MAPRE1: variants seen among roughly 807,000 people sequenced by gnomAD.
The protein encoded by MAPRE1 is microtubule-associated protein RP/EB family member 1.
In MAPRE1, 5 loss-of-function variants were observed where a neutral mutation model predicts 32.1. The ratio of observed to expected loss-of-function variants is 0.16; its 90% CI spans 0.08 to 0.33. MAPRE1 has a LOEUF of 0.33. Ranked by LOEUF, MAPRE1 falls within the 10% of genes least tolerant of loss-of-function variation. The pLI, the probability that MAPRE1 is intolerant of heterozygous loss-of-function variation, is 1.00. For missense variants in MAPRE1, 209 were observed against 327.2 expected, an observed-to-expected ratio of 0.64 and a Z score of 2.79; for synonymous variants, 122 against 118.9, an observed-to-expected ratio of 1.03 and a Z score of -0.17.
At position 32,849,314 on chromosome 20, in the gene MAPRE1, T is replaced by C. The variant is rs1983587083; in HGVS notation, c.*586T>C. Reference sequence around the variant, plus strand: ...TAGGCTTTGGTCTAAAAGGAACATTTAAAAAGTTGCCCTGTAAAGTTATTT... The same window carrying C: ...TAGGCTTTGGTCTAAAAGGAACATTCAAAAAGTTGCCCTGTAAAGTTATTT... On this transcript the variant is annotated 3_prime_UTR_variant, in exon 7 of 7. Coordinates refer to ENST00000375571, the MANE Select transcript of MAPRE1 (RefSeq NM_012325.3). 2 of 152,190 alleles carry C rather than the reference T, an allele frequency of 1.3e-5. No individual in the cohort carries two copies. The highest frequency in any genetic ancestry group is 4.1e-4 in the South Asian group (2 of 4,830). The allele number at this position is 152,190 out of a possible 1,614,324, so 9.4% of individuals were successfully genotyped here.
chr20:32,842,285 C>G (rs533608238), intron 5 of MAPRE1, among the ~76,000 whole-genome samples: 44 of 152,252 alleles, frequency 2.9e-4, no homozygotes, highest in Middle Eastern at 3.4e-3. Context: ...CGAGGTTTCA[C>G]CGTGTTAGCC....
Position 32,849,526 on chromosome 20 carries a change from A to T in MAPRE1, c.*798A>T, listed in dbSNP as rs1983591153. On this transcript the variant is annotated 3_prime_UTR_variant, in exon 7 of 7. Transcript: ENST00000375571. ...TTTTTTGGGGAAGTGAGGTGTGCCC[A>T]GTTTTTTAATCTAACAACTACTTTT... 6.6e-6 allele frequency: 1 copy of T among 152,416 alleles called. No homozygotes were observed. Among genetic ancestry groups the T allele is most frequent in the African/African-American group, 2.4e-5 (1 of 41,446 alleles). The allele number at this position is 152,416 out of a possible 1,614,324, so 9.4% of individuals were successfully genotyped here. A position where few individuals can be genotyped will look rare whatever the true frequency, so the allele number is the denominator to read the frequency against.
intron 6 of MAPRE1, 105 bp downstream of exon 6, chr20:32,846,875 T>A: frequency 1.6e-6 from 2 of 1,279,328 alleles, no homozygotes; most frequent in Non-Finnish European, 2.2e-6. Flanking sequence ...ATCAAAAGAC[T>A]TCATCTTTAA....
chr20:32,825,459 C>T (rs1188832154), intron 1 of MAPRE1, among the ~76,000 whole-genome samples: 1 of 152,114 alleles, frequency 6.6e-6, no homozygotes, highest in Non-Finnish European at 1.5e-5. Flanking sequence ...ATCTTAGTGT[C>T]TCTCGTTTGG....
intron 1 of MAPRE1, among the ~76,000 whole-genome samples, chr20:32,823,066 A>G (rs1282304444): frequency 6.6e-6 from 1 of 152,188 alleles, no homozygotes; most frequent in African/African-American, 2.4e-5. Flanking sequence ...ACCTGAAAAT[A>G]AGTAGTGAGT....
In MAPRE1 at chr20:32,824,300, C is replaced by T. The variant is rs533531695; in HGVS notation, c.-3-1625C>T. 3.9e-5 allele frequency among the ~76,000 whole-genome samples: 6 copies of T among 152,336 alleles called. No homozygotes were observed. The South Asian group carries it at 8.3e-4, about 21-fold the overall frequency. On this transcript the variant is annotated intron_variant, in intron 1 of 6. Coordinates refer to ENST00000375571, the MANE Select transcript of MAPRE1 (RefSeq NM_012325.3). ...CTACACTGGTGCTCATAGACAATAACGCCCACATTTACTAGCATTTGAAAA... is the reference window on the plus strand; with the variant it reads ...CTACACTGGTGCTCATAGACAATAATGCCCACATTTACTAGCATTTGAAAA...
In MAPRE1 at chr20:32,832,131, C is replaced by T. The variant is rs577980557; in HGVS notation, c.122-1586C>T. On this transcript the variant is annotated intron_variant, in intron 2 of 6. Transcript: ENST00000375571. ...TTGACTTTCCAAAAATAACGGTAACCGAACATGCTGGAACCAGCAGAGAAC... is the reference window on the plus strand; with the variant it reads ...TTGACTTTCCAAAAATAACGGTAACTGAACATGCTGGAACCAGCAGAGAAC... Among the ~76,000 whole-genome samples, 26 of 152,212 alleles carry T rather than the reference C, an allele frequency of 1.7e-4. 1 individual carries two copies. The South Asian group carries it at 3.1e-3, about 18-fold the overall frequency.
rs1319386665 is a variant in MAPRE1 at position 32,825,945 on chromosome 20, C to T, written c.18C>T (p.Tyr6=). 7 of 1,604,892 alleles carry T rather than the reference C, an allele frequency of 4.4e-6. No homozygotes were observed. Among genetic ancestry groups the T allele is most frequent in the Non-Finnish European group, 6.0e-6 (7 of 1,172,802 alleles). The change falls in exon 2 of 7, where the codon TAC becomes TAT. Residue 6 remains tyrosine (Y), a synonymous_variant. Coordinates refer to ENST00000375571, the MANE Select transcript of MAPRE1 (RefSeq NM_012325.3). ...TTTAGAAGATGGCAGTGAACGTATA[C>T]TCAACGTCAGTGACCAGTGATAACC... MAVNV[Y]STSVTSDNLS...
intron 5 of MAPRE1, among the ~76,000 whole-genome samples, chr20:32,845,027 GTA>G (rs1983469501): frequency 6.6e-6 from 1 of 151,706 alleles, no homozygotes; most frequent in Non-Finnish European, 1.5e-5. Flanking sequence ...ATGTATGTAT[GTA>G]TGTATGAATG....
Position 32,846,803 on chromosome 20 carries a change from A to G in MAPRE1, c.750+33A>G, listed in dbSNP as rs773152035. The G allele has an allele frequency of 2.5e-6, 4 of 1,608,734 alleles. No individual in the cohort carries two copies. The East Asian group carries it at 6.7e-5, about 27-fold the overall frequency. ...TTTGACATGAGGATATTTTCTTTCC[A>G]TTTTACATAGAAGGGTTGGTGAACT... On this transcript the variant is annotated intron_variant, in intron 6 of 6. Transcript: ENST00000375571.
chr20:32,843,757 G>T (rs1192278197), intron 5 of MAPRE1, among the ~76,000 whole-genome samples: 1 of 152,108 alleles, frequency 6.6e-6, no homozygotes, highest in Admixed American at 6.5e-5. Flanking sequence ...GGCCAGTGCA[G>T]GCCTGAAACA....
intron 5 of MAPRE1, chr20:32,843,391 C>T (rs1475593167): frequency 1.3e-5 from 2 of 152,122 alleles, no homozygotes; most frequent in Admixed American, 1.3e-4. Context: ...ATTCTACATT[C>T]CTAAGTCGTC....
intron 2 of MAPRE1, among the ~76,000 whole-genome samples, chr20:32,827,942 T>G (rs945982169): frequency 2.0e-5 from 3 of 151,906 alleles, no homozygotes; most frequent in Non-Finnish European, 4.4e-5. Context: ...TTTTTCTTTT[T>G]TTTTTTTGAG....
At chr20:32,844,868 A>G (rs1441527249) in intron 5 of MAPRE1, among the ~76,000 whole-genome samples, 1 of 152,120 alleles carries the variant, frequency 6.6e-6, no homozygotes, top group African/African-American at 2.4e-5. Context: ...TGGCCTGTGT[A>G]TCCCCTGCTC....
intron 2 of MAPRE1, among the ~76,000 whole-genome samples, chr20:32,827,218 C>T (rs926361670): frequency 2.0e-5 from 3 of 151,748 alleles, no homozygotes; most frequent in African/African-American, 4.8e-5. Flanking sequence ...CCAGCTTGGC[C>T]GACATGGTGA....
rs139716054 is a variant in MAPRE1, at chr20:32,846,686, G to C, written c.666G>C (p.Arg222=). ...KERDFYFGKL[R]NIELICQENE... ...GGGATTTCTACTTCGGAAAGCTACGGAACATTGAATTGATTTGCCAGGAGA... is the reference window on the plus strand; with the variant it reads ...GGGATTTCTACTTCGGAAAGCTACGCAACATTGAATTGATTTGCCAGGAGA... Residue 222 remains arginine (R), a synonymous_variant, in exon 6 of 7, where the codon CGG becomes CGC. Transcript: ENST00000375571. 4.3e-6 allele frequency: 7 copies of C among 1,612,300 alleles called. No homozygotes were observed. In the African/African-American group the frequency reaches 6.7e-5, roughly 15 times the overall value.
At chr20:32,826,085 C>A in intron 2 of MAPRE1, 37 bp downstream of exon 2, 1 of 1,548,028 alleles carries the variant, frequency 6.5e-7, no homozygotes, top group Middle Eastern at 1.7e-4. Context: ...TCTAGGAAAG[C>A]CTGTAGGTTT....
At chr20:32,836,606 G>T in intron 3 of MAPRE1, 28 bp from the exon 4 acceptor site, 1 of 1,377,870 alleles carries the variant, frequency 7.3e-7, no homozygotes, top group South Asian at 1.2e-5. Context: ...CCTCTTTTTT[G>T]GGGCTAAACA....
At chr20:32,842,146 C>T (rs1014893879) in intron 5 of MAPRE1, among the ~76,000 whole-genome samples, 1 of 151,952 alleles carries the variant, frequency 6.6e-6, no homozygotes, top group African/African-American at 2.4e-5. Flanking sequence ...AGTGCAGTGG[C>T]GCGATCTTTG....
Sources: gnomAD v4.1 joint callset for allele counts (sites outside exome capture counted in the v4.1 genomes callset) on GRCh38, gnomAD v4.1.1 for gene constraint, MANE v1.5 for transcripts, NCBI Gene and HGNC (gene_info 2026-07-23, HGNC 2026-07-21) for gene names.